NBEA: variants seen among roughly 807,000 people sequenced by gnomAD.
The protein encoded by NBEA is lysosomal-trafficking regulator 2.
Under a neutral mutation model 343.4 loss-of-function variants are expected in NBEA, and 44 were observed. The observed-to-expected ratio is 0.13, with a 90% CI of 0.10 to 0.16. NBEA has a LOEUF of 0.16. Ranked by LOEUF, NBEA falls within the 10% of genes least tolerant of loss-of-function variation. The pLI, the probability that NBEA is intolerant of heterozygous loss-of-function variation, is 1.00. For missense variants in NBEA, 2,555 were observed against 3,631.3 expected (o/e 0.70, Z 7.62); for synonymous variants, 1,175 against 1,238.7 (o/e 0.95, Z 1.08).
intron 38 of NBEA, among the ~76,000 whole-genome samples, chr13:35,421,767 G>A (rs1239311103): frequency 1.3e-5 from 2 of 151,950 alleles, no homozygotes; most frequent in Non-Finnish European, 1.5e-5. Flanking sequence ...GTTATTTCTG[G>A]AGGTCTCATC....
At chr13:35,012,396 T>C (rs2061516996) in intron 1 of NBEA, among the ~76,000 whole-genome samples, 1 of 152,216 alleles carries the variant, frequency 6.6e-6, no homozygotes, top group African/African-American at 2.4e-5. Flanking sequence ...CACCTCTCTT[T>C]AGGACCCATC....
intron 36 of NBEA, among the ~76,000 whole-genome samples, chr13:35,338,074 C>T (rs1211867693): frequency 6.6e-6 from 1 of 151,516 alleles, no homozygotes; most frequent in African/African-American, 2.4e-5. Flanking sequence ...AGAAGAGGAG[C>T]AAATTATTTC....
intron 34 of NBEA, among the ~76,000 whole-genome samples, chr13:35,241,580 A>G (rs912936205): frequency 6.6e-6 from 1 of 151,888 alleles, no homozygotes; most frequent in Non-Finnish European, 1.5e-5. Flanking sequence ...GTTTTATCAA[A>G]ACAACATTAA....
chr13:34,943,751 T>C (rs1031445913), intron 1 of NBEA, among the ~76,000 whole-genome samples: 3 of 152,224 alleles, frequency 2.0e-5, no homozygotes, highest in Non-Finnish European at 4.4e-5. Context: ...TACTGATCTC[T>C]TAGTCATTTT....
chr13:35,220,329 G>C (rs545442310), intron 33 of NBEA, among the ~76,000 whole-genome samples: 2 of 152,194 alleles, frequency 1.3e-5, no homozygotes, highest in South Asian at 4.1e-4. Context: ...CTGAATGTCT[G>C]ACCTCCACCT....
chr13:35,099,935 T>A (rs1453860415), intron 11 of NBEA, among the ~76,000 whole-genome samples: 3 of 152,154 alleles, frequency 2.0e-5, no homozygotes, highest in African/African-American at 7.2e-5. Context: ...TTATTAGCAC[T>A]CTCTGACCTT....
intron 28 of NBEA, among the ~76,000 whole-genome samples, chr13:35,181,265 G>A (rs2071298415): frequency 6.6e-6 from 1 of 151,834 alleles, no homozygotes. Context: ...CACGGTGGTT[G>A]TACTAGTTTT....
intron 1 of NBEA, among the ~76,000 whole-genome samples, chr13:34,981,700 A>G (rs1356485691): frequency 6.6e-6 from 1 of 150,848 alleles, no homozygotes; most frequent in Admixed American, 6.6e-5. Context: ...ATTCACCAAT[A>G]AAACATTGGC....
intron 33 of NBEA, among the ~76,000 whole-genome samples, chr13:35,220,505 C>T (rs918148507): frequency 3.9e-5 from 6 of 152,112 alleles, no homozygotes; most frequent in African/African-American, 1.4e-4. Flanking sequence ...CAATTATTTT[C>T]TTATAGTGCT....
rs186792105 is a variant in NBEA at position 35,071,706 on chromosome 13, G to A, written c.1571+854G>A. Among the ~76,000 whole-genome samples, 8 of 151,838 alleles carry A rather than the reference G, an allele frequency of 5.3e-5. No individual in the cohort carries two copies. The East Asian group carries it at 1.5e-3, about 29-fold the overall frequency. ...ATGGGTTATCTAATTTTGAATTGAT[G>A]GCGAATCTAGTGAATGAAGATATGA... On this transcript the variant is annotated intron_variant, in intron 10 of 58. Transcript: ENST00000379939.
intron 34 of NBEA, among the ~76,000 whole-genome samples, chr13:35,274,683 A>G (rs893298588): frequency 4.6e-5 from 7 of 152,204 alleles, no homozygotes; most frequent in South Asian, 2.1e-4. Flanking sequence ...TACAAAATCA[A>G]TGTGCAAAAA....
chr13:35,411,546 C>A (rs1271020219), intron 38 of NBEA, among the ~76,000 whole-genome samples: 1 of 151,838 alleles, frequency 6.6e-6, no homozygotes, highest in East Asian at 1.9e-4. Flanking sequence ...AAACCTTGAC[C>A]TCCTGGGCAC....
At chr13:35,288,448 G>A (rs2035583648) in intron 34 of NBEA, among the ~76,000 whole-genome samples, 1 of 152,004 alleles carries the variant, frequency 6.6e-6, no homozygotes, top group South Asian at 2.1e-4. Context: ...CTATGGACTT[G>A]AAATCACAAT....
chr13:34,956,885 G>T (rs148420496), intron 1 of NBEA, among the ~76,000 whole-genome samples: 2 of 151,870 alleles, frequency 1.3e-5, no homozygotes, highest in African/African-American at 4.8e-5. Context: ...TCCCAACCTC[G>T]GGTGATCCGC....
chr13:35,592,321 A>G (rs999841591), intron 46 of NBEA, among the ~76,000 whole-genome samples: 6 of 152,246 alleles, frequency 3.9e-5, no homozygotes, highest in South Asian at 2.1e-4. Flanking sequence ...AGCAACTTCT[A>G]TGTACCAGGA....
At chr13:35,443,422 G>T (rs891487557) in intron 39 of NBEA, among the ~76,000 whole-genome samples, 1 of 151,854 alleles carries the variant, frequency 6.6e-6, no homozygotes, top group African/African-American at 2.4e-5. Flanking sequence ...TTTTATAGTG[G>T]TATAGATAAT....
At chr13:35,335,860 A>G (rs1256147404) in intron 36 of NBEA, among the ~76,000 whole-genome samples, 2 of 152,238 alleles carry the variant, frequency 1.3e-5, no homozygotes, top group South Asian at 2.1e-4. Flanking sequence ...CTAAAAGGCT[A>G]TTCGCATGCC....
intron 41 of NBEA, among the ~76,000 whole-genome samples, chr13:35,530,785 A>G (rs1481983048): frequency 1.3e-5 from 2 of 152,246 alleles, no homozygotes; most frequent in African/African-American, 2.4e-5. Context: ...TGATAAGCCA[A>G]TTACAAGAAA....
chr13:35,387,078 A>G (rs2042277162), intron 38 of NBEA, among the ~76,000 whole-genome samples: 2 of 152,158 alleles, frequency 1.3e-5, no homozygotes, highest in African/African-American at 2.4e-5. Context: ...GCTCTATCTT[A>G]TAGAAAGTAG....
Sources: allele counts gnomAD v4.1 joint callset (sites outside exome capture counted in the v4.1 genomes callset), GRCh38; gene constraint gnomAD v4.1.1; transcripts MANE v1.5; gene names NCBI Gene and HGNC (gene_info 2026-07-23, HGNC 2026-07-21).